PCDHGB2: variants seen among roughly 807,000 people sequenced by gnomAD.
PCDHGB2 encodes the protein protocadherin gamma-B2.
In PCDHGB2, 55 loss-of-function variants were observed where a neutral mutation model predicts 59.3. The observed-to-expected ratio is 0.93, with a 90% CI of 0.75 to 1.16. The LOEUF (loss-of-function observed/expected upper bound fraction) is 1.16, where lower values mean the gene tolerates loss of function less well. Among genes scored for constraint, PCDHGB2 ranks in the 50% most tolerant of loss-of-function variants. The pLI is 0.00. For synonymous variants in PCDHGB2, 516 were observed against 512.0 expected (o/e 1.01, Z -0.11); for missense variants, 1,228 against 1,198.5 (o/e 1.02, Z -0.36).
At chr5:141,500,293 C>T (rs1380080572) in intron 2 of PCDHGB2, among the ~76,000 whole-genome samples, 3 of 151,870 alleles carry the variant, frequency 2.0e-5, no homozygotes, top group Non-Finnish European at 4.4e-5. Flanking sequence ...ACTGCAAGCT[C>T]CGCCTCCCAG....
rs1303066281 is a variant in PCDHGB2, at chr5:141,511,199, G to A, written c.*26G>A. The A allele has an allele frequency of 1.2e-6, 2 of 1,612,750 alleles. No homozygotes were observed. The highest frequency in any genetic ancestry group is 1.3e-5 in the African/African-American group (1 of 74,896). On this transcript the variant is annotated 3_prime_UTR_variant, in exon 4 of 4. Transcript: ENST00000522605. The stretch of plus-strand genomic sequence containing the variant: ...CATGGAGGCCAGGCCAAGAGCCACA[G>A]GGCGGCCTCTCCCCAACCAGCCCAG...
In PCDHGB2 at chr5:141,477,669, T is replaced by C; in HGVS notation, c.2422-17138T>C. Reference sequence around the variant, plus strand: ...TTCACAATAAATCGTGACAATGGCATAGTGTCATCCTTAGTGCCCCTAGAC... The same window carrying C: ...TTCACAATAAATCGTGACAATGGCACAGTGTCATCCTTAGTGCCCCTAGAC... On this transcript the variant is annotated intron_variant, in intron 1 of 3. Coordinates refer to ENST00000522605, the MANE Select transcript of PCDHGB2 (RefSeq NM_018923.3). This position sits in a 1 kb window ranked among gnomAD's most constrained non-coding sequence, Gnocchi z 4.9. 6.2e-7 allele frequency: 1 copy of C among 1,614,200 alleles called. No individual in the cohort carries two copies. Among genetic ancestry groups the C allele is most frequent in the Non-Finnish European group, 8.5e-7 (1 of 1,180,030 alleles).
intron 1 of PCDHGB2, chr5:141,376,660 T>C (rs1772971230): frequency 1.1e-6 from 1 of 886,650 alleles, no homozygotes; most frequent in African/African-American, 1.8e-5. Flanking sequence ...GACTCCCTTG[T>C]TCAGGTGAGG....
Position 141,477,483 on chromosome 5 carries a change from A to G in PCDHGB2, c.2422-17324A>G. The G allele has an allele frequency of 6.2e-7, 1 of 1,614,028 alleles. No individual in the cohort carries two copies. On this transcript the variant is annotated intron_variant, in intron 1 of 3. Coordinates refer to ENST00000522605, the MANE Select transcript of PCDHGB2 (RefSeq NM_018923.3). The surrounding 1 kb of genome is among the most constrained non-coding windows in gnomAD (Gnocchi z 4.9). ...TCCGACATCAATGACAACCCTCCAC[A>G]ATCTTCTCAATCTTCCTACGACGTT...
intron 3 of PCDHGB2, chr5:141,507,285 C>T (rs80317708): frequency 2.7e-5 from 4 of 150,212 alleles, no homozygotes; most frequent in African/African-American, 7.4e-5. Flanking sequence ...ATAAGTCAGT[C>T]TCAAATGTTG....
At chr5:141,371,615 T>C (rs754452070) in intron 1 of PCDHGB2, 3 of 1,613,964 alleles carry the variant, frequency 1.9e-6, no homozygotes, top group Middle Eastern at 3.3e-4. Flanking sequence ...TGGTGACAGA[T>C]GGAGCCCTGG....
At chr5:141,441,962 G>A in intron 1 of PCDHGB2, 1 of 313,768 alleles carries the variant, frequency 3.2e-6, no homozygotes, top group Admixed American at 4.1e-5. Context: ...AGCAAGCCCA[G>A]GCTCTTCAGC....
At position 141,360,275 on chromosome 5, in the gene PCDHGB2, T is replaced by C; in HGVS notation, c.140T>C (p.Val47Ala). ...GAGGAGCTGGCCAAAAACTCGGTCG[T>C]AGGAAACCTCGCCAAGGATCTGGGG... ...IPEELAKNSV[V>A]GNLAKDLGLS... is the part of the protein sequence containing the mutation. The change falls in exon 1 of 4, where the codon GTA becomes GCA. Residue 47 changes from valine (V) to alanine (A), a missense_variant. By Grantham distance (64) the Val-to-Ala change is moderately conservative (BLOSUM62 0). Around this residue, in one of 3 missense-constraint regions of PCDHGB2, gnomAD observed 781 missense variants for 721.6 expected, o/e 1.08. Coordinates refer to ENST00000522605, the MANE Select transcript of PCDHGB2 (RefSeq NM_018923.3). 2 of 1,613,826 alleles carry C rather than the reference T, an allele frequency of 1.2e-6. No homozygotes were observed. The highest frequency in any genetic ancestry group is 1.1e-5 in the South Asian group (1 of 91,064).
rs2099455203 is a variant in PCDHGB2 at position 141,478,427 on chromosome 5, C to T, written c.2422-16380C>T. The T allele has an allele frequency of 1.9e-6, 3 of 1,613,742 alleles. No individual in the cohort carries two copies. Among genetic ancestry groups the T allele is most frequent in the Non-Finnish European group, 2.5e-6 (3 of 1,180,014 alleles). On this transcript the variant is annotated intron_variant, in intron 1 of 3. Coordinates refer to ENST00000522605, the MANE Select transcript of PCDHGB2 (RefSeq NM_018923.3). ...CACCACGGACTCCCGCCGCAGCGAC[C>T]CGCTGCTGAAGAAACCTGGTGCAGC...
intron 1 of PCDHGB2, chr5:141,410,091 G>A: frequency 8.7e-6 from 14 of 1,612,518 alleles, no homozygotes; most frequent in African/African-American, 1.3e-5. Flanking sequence ...CGCACGGCTC[G>A]AGCCTTAGGC....
chr5:141,461,423 C>T lies in PCDHGB2; in HGVS notation c.2422-33384C>T, dbSNP rs1005977255. 3.9e-5 allele frequency among the ~76,000 whole-genome samples: 6 copies of T among 151,938 alleles called. No individual in the cohort carries two copies. In the South Asian group the frequency reaches 6.2e-4, roughly 16 times the overall value. On this transcript the variant is annotated intron_variant, in intron 1 of 3. Coordinates refer to ENST00000522605, the MANE Select transcript of PCDHGB2 (RefSeq NM_018923.3). ...AGCATTTTTTCATATGTTTGTGGGC[C>T]ATTTGTATACCTTCTTTTGAGAAAT... is the stretch of plus-strand genomic sequence containing the variant.
intron 1 of PCDHGB2, chr5:141,365,877 C>G (rs1764180285): frequency 1.2e-6 from 2 of 1,614,008 alleles, no homozygotes; most frequent in East Asian, 4.5e-5. Context: ...GTCCTGTATG[C>G]TCTGAGATCC....
At position 141,432,999 on chromosome 5, in the gene PCDHGB2, A is replaced by G. The variant is rs745921704; in HGVS notation, c.2422-61808A>G. The G allele has an allele frequency of 1.1e-5, 17 of 1,614,046 alleles. No individual in the cohort carries two copies. Among genetic ancestry groups the G allele is most frequent in the East Asian group, 4.5e-5 (2 of 44,862 alleles). On this transcript the variant is annotated intron_variant, in intron 1 of 3. Coordinates refer to ENST00000522605, the MANE Select transcript of PCDHGB2 (RefSeq NM_018923.3). This position sits in a 1 kb window ranked among gnomAD's most constrained non-coding sequence, Gnocchi z 6.0. ...CACTTTGTGGGCGTGGACGGGGTGC[A>G]GGCTTTCCTGCAGACCTATTCCCAC...
rs200368368 is a variant in PCDHGB2 at position 141,371,922 on chromosome 5, C to T, written c.2421+9366C>T. 2.5e-4 allele frequency: 410 copies of T among 1,613,228 alleles called. No individual in the cohort carries two copies. The highest frequency in any genetic ancestry group is 3.3e-4 in the Non-Finnish European group (394 of 1,179,902). On this transcript the variant is annotated intron_variant, in intron 1 of 3. Transcript: ENST00000522605. ...GTCGTCCTACGTGTCCGTGAGCGCG[C>T]GGAGCGGGGTGGTGTTCGCGCAGCG...
chr5:141,468,458 G>A (rs1047447240), intron 1 of PCDHGB2: 3 of 152,134 alleles, frequency 2.0e-5, no homozygotes, highest in African/African-American at 7.2e-5. Flanking sequence ...ATTAAAGCAA[G>A]TTATTTCTGA....
intron 1 of PCDHGB2, chr5:141,418,958 G>A: frequency 4.3e-6 from 7 of 1,614,000 alleles, no homozygotes; most frequent in Non-Finnish European, 5.9e-6. Context: ...AGTGGTTGTT[G>A]CCCTCTTCAA....
At chr5:141,507,531 C>T (rs1467914007) in intron 3 of PCDHGB2, among the ~76,000 whole-genome samples, 3 of 151,964 alleles carry the variant, frequency 2.0e-5, no homozygotes, top group African/African-American at 7.2e-5. Flanking sequence ...CCAGAGAGGC[C>T]AGAGACTGAG....
At chr5:141,371,051 G>T in intron 1 of PCDHGB2, 1 of 1,613,960 alleles carries the variant, frequency 6.2e-7, no homozygotes, top group Non-Finnish European at 8.5e-7. Flanking sequence ...ATGGGGGCGA[G>T]CCCTCCAGAA....
chr5:141,446,622 G>A (rs1338969669), intron 1 of PCDHGB2, among the ~76,000 whole-genome samples: 13 of 152,044 alleles, frequency 8.6e-5, no homozygotes, highest in East Asian at 1.9e-4. Flanking sequence ...GACTACAGGC[G>A]TGCACCACCA....
Sources: gnomAD v4.1 joint callset for allele counts (sites outside exome capture counted in the v4.1 genomes callset) on GRCh38, gnomAD v4.1.1 for gene constraint, gnomAD v4.1.1 regional missense constraint, Gnocchi (gnomAD v3.1) non-coding constraint, MANE v1.5 for transcripts, NCBI Gene and HGNC (gene_info 2026-07-23, HGNC 2026-07-21) for gene names.